TBK1: variants seen among roughly 807,000 people sequenced by gnomAD.
The protein encoded by TBK1 is TANK binding kinase 1.
In TBK1, 37 loss-of-function variants were observed where a neutral mutation model predicts 99.9. That is an observed-to-expected ratio of 0.37 (90% CI 0.28 to 0.49). The LOEUF is 0.49. TBK1 is among the 20% of genes least tolerant of loss of function. The pLI, the probability that TBK1 is intolerant of heterozygous loss-of-function variation, is 0.98. For missense variants in TBK1, 644 were observed against 872.5 expected (o/e 0.74, Z 3.30); for synonymous variants, 258 against 279.8 (o/e 0.92, Z 0.78).
chr12:64,493,243 A>T (rs960034799), intron 13 of TBK1, among the ~76,000 whole-genome samples: 6 of 152,118 alleles, frequency 3.9e-5, no homozygotes, highest in Admixed American at 1.3e-4. Context: ...AGTAAAATTT[A>T]TAAGTAGAAA....
rs763304608 is a variant in TBK1, at chr12:64,497,908, ACAT to A, written c.2067-56_2067-54del. On this transcript the variant is annotated intron_variant, in intron 19 of 20. Transcript: ENST00000331710. Reference sequence around the variant, plus strand: ...CCAGTTAAAAGAAAATAAAACATAAACATCATTCTAAAACATTTGCATACTGTT... The same window carrying A: ...CCAGTTAAAAGAAAATAAAACATAAACATTCTAAAACATTTGCATACTGTT... 943 of 1,506,594 alleles carry A rather than the reference ACAT, an allele frequency of 6.3e-4. 8 individuals are homozygous for A. The highest frequency in any genetic ancestry group is 1.8e-4 in the Middle Eastern group (1 of 5,634). The allele number at this position is 1,506,594 out of a possible 1,614,324, so 93.3% of individuals were successfully genotyped here.
chr12:64,463,527 C>T (rs943932188), intron 3 of TBK1, among the ~76,000 whole-genome samples: 5 of 151,688 alleles, frequency 3.3e-5, no homozygotes, highest in Non-Finnish European at 4.4e-5. Context: ...AGTGAGACCC[C>T]GTCTCTACAA....
chr12:64,497,572 C>T lies in TBK1; in HGVS notation c.1960-76C>T, dbSNP rs1355978919. 3 of 962,240 alleles carry T rather than the reference C, an allele frequency of 3.1e-6. No homozygotes were observed. The African/African-American group carries it at 5.1e-5, about 16-fold the overall frequency. The allele number at this position is 962,240 out of a possible 1,614,324, so 59.6% of individuals were successfully genotyped here. A position where few individuals can be genotyped will look rare whatever the true frequency, so the allele number is the denominator to read the frequency against. ...TATTAAAAGCTGTAACACTTGATGT[C>T]AGATCTGTAGTAAGTACTTTTGTTC... is the stretch of plus-strand genomic sequence containing the variant. On this transcript the variant is annotated intron_variant, in intron 18 of 20. Transcript: ENST00000331710.
At chr12:64,492,949 G>A (rs554244563) in intron 13 of TBK1, among the ~76,000 whole-genome samples, 2 of 147,596 alleles carry the variant, frequency 1.4e-5, no homozygotes, top group South Asian at 4.3e-4. Context: ...AGGCTGGAGT[G>A]CAGTGGTACA....
chr12:64,456,578 C>T lies in TBK1; in HGVS notation c.87+621C>T, dbSNP rs534526901. Reference sequence around the variant, plus strand: ...AAAAGGGGCCGGGCGCGGTGGCTCACGCCTGTAATCCCAGCACTTTGGGAG... The same window carrying T: ...AAAAGGGGCCGGGCGCGGTGGCTCATGCCTGTAATCCCAGCACTTTGGGAG... On this transcript the variant is annotated intron_variant, in intron 2 of 20. Coordinates refer to ENST00000331710, the MANE Select transcript of TBK1 (RefSeq NM_013254.4). 1.4e-3 allele frequency among the ~76,000 whole-genome samples: 208 copies of T among 152,284 alleles called. 1 individual carries two copies. The South Asian group carries it at 0.018, about 14-fold the overall frequency.
At chr12:64,482,154 A>ACCCC (rs1469451259) in intron 8 of TBK1, 133 bp downstream of exon 8, 1 of 513,418 alleles carries the variant, frequency 1.9e-6, no homozygotes, top group East Asian at 3.5e-5. Context: ...ATTATATTTA[A>ACCCC]GTGCTTAGTA....
intron 20 of TBK1, among the ~76,000 whole-genome samples, chr12:64,498,628 A>G (rs886208757): frequency 5.3e-5 from 8 of 152,196 alleles, no homozygotes; most frequent in African/African-American, 1.7e-4. Flanking sequence ...GTTCTCCTCT[A>G]TAGGTTCTCA....
chr12:64,494,338 A>T (rs938023093), intron 13 of TBK1, among the ~76,000 whole-genome samples: 2 of 151,784 alleles, frequency 1.3e-5, no homozygotes, highest in Non-Finnish European at 2.9e-5. Context: ...AATTAGCAAG[A>T]CGCAATAGCA....
intron 5 of TBK1, among the ~76,000 whole-genome samples, chr12:64,470,752 A>G (rs2040654216): frequency 6.6e-6 from 1 of 152,150 alleles, no homozygotes; most frequent in East Asian, 1.9e-4. Flanking sequence ...TTTTCCAATC[A>G]TGATAATCAC....
At chr12:64,468,309 A>G (rs2040626350) in intron 5 of TBK1, among the ~76,000 whole-genome samples, 1 of 149,838 alleles carries the variant, frequency 6.7e-6, no homozygotes, top group African/African-American at 2.4e-5. Flanking sequence ...CCTGAGCAAC[A>G]TGGTGAAACC....
chr12:64,495,388 A>G, intron 13 of TBK1, 95 bp from the exon 14 acceptor site: 1 of 1,463,454 alleles, frequency 6.8e-7, no homozygotes, highest in Non-Finnish European at 9.2e-7. Flanking sequence ...AGTAATCTAC[A>G]AAAGAAATGT....
intron 1 of TBK1, among the ~76,000 whole-genome samples, chr12:64,454,460 G>C (rs1455408058): frequency 1.3e-5 from 2 of 151,792 alleles, no homozygotes; most frequent in Non-Finnish European, 2.9e-5. Context: ...TATTGGCCAG[G>C]CTGGTCTCGA....
intron 19 of TBK1, 41 bp from the exon 20 acceptor site, chr12:64,497,927 G>C (rs867745360): frequency 3.9e-6 from 6 of 1,547,704 alleles, no homozygotes; most frequent in Middle Eastern, 3.4e-4. Context: ...TAAAACATTT[G>C]CATACTGTTT....
intron 4 of TBK1, among the ~76,000 whole-genome samples, chr12:64,465,099 T>C (rs1217315713): frequency 8.1e-6 from 1 of 122,722 alleles, no homozygotes; most frequent in Admixed American, 9.6e-5. Context: ...AAATAAAAAA[T>C]AGCCAAGCAT....
intron 13 of TBK1, among the ~76,000 whole-genome samples, chr12:64,494,662 ATATATC>A (rs1385207455): frequency 2.0e-5 from 3 of 152,220 alleles, no homozygotes; most frequent in Admixed American, 6.5e-5. Flanking sequence ...AATGAAGAAA[ATATATC>A]TGGTGAAAAC....
intron 5 of TBK1, among the ~76,000 whole-genome samples, chr12:64,468,856 G>A (rs143841530): frequency 6.6e-5 from 10 of 152,218 alleles, no homozygotes; most frequent in South Asian, 2.1e-4. Flanking sequence ...GTTCTGTGCC[G>A]TTCCCTGGCC....
At chr12:64,497,572 C>A in intron 18 of TBK1, 76 bp from the exon 19 acceptor site, 2 of 962,288 alleles carry the variant, frequency 2.1e-6, no homozygotes, top group East Asian at 2.6e-5. Flanking sequence ...CACTTGATGT[C>A]AGATCTGTAG....
At position 64,453,147 on chromosome 12, in the gene TBK1, G is replaced by A. The variant is rs1468027058; in HGVS notation, c.-32+960G>A. Among the ~76,000 whole-genome samples the A allele has an allele frequency of 2.0e-5, 3 of 152,330 alleles. No individual in the cohort carries two copies. The East Asian group carries it at 5.8e-4, about 29-fold the overall frequency. The stretch of plus-strand genomic sequence containing the variant: ...ATGGCAAGCACGTTGTGGGTGTGCT[G>A]AGTCATGTTTTAACATGTTATTGTG... On this transcript the variant is annotated intron_variant, in intron 1 of 20. Coordinates refer to ENST00000331710, the MANE Select transcript of TBK1 (RefSeq NM_013254.4).
intron 7 of TBK1, among the ~76,000 whole-genome samples, chr12:64,481,542 C>A (rs1202963126): frequency 6.6e-6 from 1 of 151,970 alleles, no homozygotes; most frequent in African/African-American, 2.4e-5. Context: ...TACTTGAGCC[C>A]CAGAGTTTGA....
Sources: allele counts gnomAD v4.1 joint callset (sites outside exome capture counted in the v4.1 genomes callset), GRCh38; gene constraint gnomAD v4.1.1; transcripts MANE v1.5; gene names NCBI Gene and HGNC (gene_info 2026-07-23, HGNC 2026-07-21).